RSPH14: variants seen among roughly 807,000 people sequenced by gnomAD.
RSPH14 encodes the protein radial spoke head 14 homolog.
In RSPH14, 20 loss-of-function variants were observed where a neutral mutation model predicts 26.7. That is an observed-to-expected ratio of 0.75 (90% CI 0.53 to 1.09). RSPH14 has a LOEUF of 1.09. RSPH14 is among the 50% of genes least tolerant of loss of function. The pLI is 0.00. For synonymous variants in RSPH14, 177 were observed against 189.3 expected (o/e 0.93, Z 0.53); for missense variants, 449 against 457.2 (o/e 0.98, Z 0.16).
At chr22:23,163,822 C>A in the RSPH14 span, 1 of 152,238 alleles carries the variant, frequency 6.6e-6, no homozygotes, top group East Asian at 1.9e-4. Flanking sequence ...GGACATACTG[C>A]CTGGCAGCCT....
chr22:23,180,717 C>T, the RSPH14 span: 221 of 149,436 alleles, frequency 1.5e-3, 1 homozygote, highest in Non-Finnish European at 2.7e-3. Flanking sequence ...TGCGGAGGAG[C>T]CCCGCACACA....
At chr22:23,111,315 G>C (rs1485525637) in intron 4 of RSPH14, among the ~76,000 whole-genome samples, 1 of 152,244 alleles carries the variant, frequency 6.6e-6, no homozygotes, top group Non-Finnish European at 1.5e-5. Flanking sequence ...TACCGAGCAG[G>C]GGGTGCGGCC....
chr22:23,157,214 C>A, the RSPH14 span, among the ~76,000 whole-genome samples: 1 of 151,588 alleles, frequency 6.6e-6, no homozygotes, highest in Non-Finnish European at 1.5e-5. Context: ...ACTGCTGTAG[C>A]TGCTGTTGGT....
the RSPH14 span, chr22:23,162,752 C>T: frequency 8.8e-6 from 4 of 456,166 alleles, no homozygotes; most frequent in African/African-American, 4.0e-5. Flanking sequence ...ACCTTGCAGG[C>T]AGCCTTCTGA....
At chr22:23,159,135 C>A in the RSPH14 span, 7 of 1,608,164 alleles carry the variant, frequency 4.4e-6, 1 homozygote, top group South Asian at 6.7e-5. Context: ...AGCCGGGACG[C>A]TGGGTCAACA....
chr22:23,086,117 A>G (rs1242067688), intron 4 of RSPH14, among the ~76,000 whole-genome samples: 1 of 152,234 alleles, frequency 6.6e-6, no homozygotes, highest in Non-Finnish European at 1.5e-5. Flanking sequence ...AAGTAGGACT[A>G]TGAAGTCATT....
the RSPH14 span, among the ~76,000 whole-genome samples, chr22:23,156,812 G>C: frequency 5.9e-5 from 9 of 152,218 alleles, no homozygotes; most frequent in Admixed American, 2.0e-4. Flanking sequence ...TCGCCTCTTC[G>C]GGCCTCTCCT....
At chr22:23,096,211 C>G in intron 4 of RSPH14, 1 of 1,613,792 alleles carries the variant, frequency 6.2e-7, no homozygotes, top group Middle Eastern at 1.6e-4. Flanking sequence ...TCCCCACTGT[C>G]GAGGACATCC....
At chr22:23,096,509 G>C (rs918176247) in intron 4 of RSPH14, 1 of 1,339,566 alleles carries the variant, frequency 7.5e-7, no homozygotes, top group Non-Finnish European at 1.0e-6. Flanking sequence ...ACAGTCTGCA[G>C]CCAGAAAGGG....
chr22:23,113,736 T>G (rs1024959028), intron 4 of RSPH14, among the ~76,000 whole-genome samples: 3 of 152,126 alleles, frequency 2.0e-5, no homozygotes, highest in African/African-American at 7.2e-5. Flanking sequence ...CTCTCCCCAC[T>G]AGAGAAGTCT....
the RSPH14 span, chr22:23,161,688 C>G: frequency 5.0e-6 from 4 of 802,626 alleles, no homozygotes; most frequent in South Asian, 7.0e-5. Flanking sequence ...GGCCCATGTT[C>G]CAGTCCCTCC....
At chr22:23,105,652 G>T (rs963556955) in intron 4 of RSPH14, among the ~76,000 whole-genome samples, 1 of 152,220 alleles carries the variant, frequency 6.6e-6, no homozygotes, top group African/African-American at 2.4e-5. Flanking sequence ...TGCTTTCTTC[G>T]CATGGTGATG....
At chr22:23,070,265 C>A (rs1026894002) in intron 4 of RSPH14, 1 of 147,648 alleles carries the variant, frequency 6.8e-6, no homozygotes. Flanking sequence ...GGCACCCCCC[C>A]GCCCGCGGTT....
At chr22:23,145,916 A>C (rs868327175), upstream of RSPH14, 74 of 938,938 alleles carry the variant, frequency 7.9e-5, no homozygotes, top group African/African-American at 1.3e-3. Context: ...GTTGGCTGAA[A>C]GTTAAGGCCC....
the RSPH14 span, among the ~76,000 whole-genome samples, chr22:23,166,230 T>C: frequency 6.7e-6 from 1 of 148,878 alleles, no homozygotes; most frequent in African/African-American, 2.5e-5. Context: ...AAGCCTCTGT[T>C]TACATCACAC....
chr22:23,064,283 C>T (rs2068156923), intron 4 of RSPH14, 150 bp from the exon 5 acceptor site: 6 of 704,510 alleles, frequency 8.5e-6, no homozygotes, highest in Non-Finnish European at 9.6e-6. Flanking sequence ...ACACACGTCC[C>T]GCCTGGCCAG....
chr22:23,173,380 C>T, the RSPH14 span, among the ~76,000 whole-genome samples: 4 of 152,036 alleles, frequency 2.6e-5, no homozygotes, highest in Non-Finnish European at 4.4e-5. Context: ...GTGAGCCGCC[C>T]GCCTCGGCCT....
rs2068144709 is a variant in RSPH14 at position 23,063,937 on chromosome 22, G to A, written c.618C>T (p.Ile206=). ...GGAGCGCACGGGCGGCCTTGCTGCG[G>A]ATGTTCTGGTTGGCGCTGAGGAGCT... ...KQKLLSANQN[I]RSKAARALLN... The change falls in exon 5 of 7, where the codon ATC becomes ATT. Residue 206 remains isoleucine (I), a synonymous_variant. Coordinates refer to ENST00000216036, the MANE Select transcript of RSPH14 (RefSeq NM_014433.3). The A allele has an allele frequency of 4.3e-6, 7 of 1,614,072 alleles. No individual in the cohort carries two copies. Among genetic ancestry groups the A allele is most frequent in the Middle Eastern group, 3.3e-4 (2 of 6,084 alleles).
chr22:23,150,414 G>T, the RSPH14 span, among the ~76,000 whole-genome samples: 2 of 150,406 alleles, frequency 1.3e-5, no homozygotes, highest in Non-Finnish European at 2.9e-5. Context: ...CCATTCTCCT[G>T]CCTCAGCCTC....
Sources: allele counts gnomAD v4.1 joint callset (sites outside exome capture counted in the v4.1 genomes callset), GRCh38; gene constraint gnomAD v4.1.1; transcripts MANE v1.5; gene names NCBI Gene and HGNC (gene_info 2026-07-23, HGNC 2026-07-21).